Variants in ZNF827 observed in about 807,000 individuals in gnomAD.
ZNF827 encodes the protein zinc finger protein 827.
Under a neutral mutation model 102.4 loss-of-function variants are expected in ZNF827, and 13 were observed. The ratio of observed to expected loss-of-function variants is 0.13; its 90% CI spans 0.08 to 0.20. ZNF827 has a LOEUF of 0.20. Among genes scored for constraint, ZNF827 ranks in the 10% least tolerant of loss-of-function variants. ZNF827 has a pLI of 1.00. For synonymous variants in ZNF827, 523 were observed against 536.2 expected (o/e 0.98, Z 0.34); for missense variants, 1,103 against 1,344.4 (o/e 0.82, Z 2.81).
chr4:145,824,635 AT>A (rs1743485310), intron 7 of ZNF827, among the ~76,000 whole-genome samples: 1 of 152,108 alleles, frequency 6.6e-6, no homozygotes, highest in South Asian at 2.1e-4. Flanking sequence ...CTCTACCTTA[AT>A]CCCCTCCCCC....
intron 7 of ZNF827, 130 bp from the exon 8 acceptor site, chr4:145,823,655 T>C (rs1743379820): frequency 3.1e-6 from 2 of 637,342 alleles, no homozygotes; most frequent in South Asian, 1.9e-5. Flanking sequence ...GTTTAGTGAA[T>C]ATAAGAAGAT....
intron 3 of ZNF827, among the ~76,000 whole-genome samples, chr4:145,891,690 C>T (rs1750616672): frequency 6.6e-6 from 1 of 152,150 alleles, no homozygotes; most frequent in South Asian, 2.1e-4. Context: ...TAGAAAGGGC[C>T]CCCAAGCCTC....
At chr4:145,885,386 C>T (rs1354836174) in intron 4 of ZNF827, among the ~76,000 whole-genome samples, 3 of 151,976 alleles carry the variant, frequency 2.0e-5, no homozygotes, top group Admixed American at 6.6e-5. Context: ...TGTGACCATT[C>T]CCCCCTACAG....
chr4:145,889,534 C>T (rs947193066), intron 3 of ZNF827, among the ~76,000 whole-genome samples: 9 of 150,320 alleles, frequency 6.0e-5, no homozygotes, highest in Non-Finnish European at 7.4e-5. Context: ...AGATCTTAAT[C>T]TCTGGCTATA....
chr4:145,781,195 C>CAAAAAAAAAAAAAAAAAAAAAA (rs10605153), intron 8 of ZNF827, among the ~76,000 whole-genome samples: 82 of 56,530 alleles, frequency 1.5e-3, no homozygotes, highest in Non-Finnish European at 1.8e-3. Flanking sequence ...GACACCATCT[C>CAAAAAAAAAAAAAAAAAAAAAA]AAAAAAAAAA....
intron 1 of ZNF827, chr4:145,907,133 G>A (rs1751932429): frequency 2.2e-6 from 1 of 456,264 alleles, no homozygotes; most frequent in Non-Finnish European, 4.4e-6. Flanking sequence ...CAGAGGGTGG[G>A]GAAAAATTAT....
At chr4:145,904,238 G>T (rs999393662) in intron 1 of ZNF827, among the ~76,000 whole-genome samples, 2 of 152,134 alleles carry the variant, frequency 1.3e-5, no homozygotes, top group African/African-American at 4.8e-5. Flanking sequence ...CCGACTCAAA[G>T]GTTTCTTCCT....
At chr4:145,776,087 G>T in intron 9 of ZNF827, 127 bp from the exon 10 acceptor site, 2 of 1,041,576 alleles carry the variant, frequency 1.9e-6, no homozygotes, top group Non-Finnish European at 2.8e-6. Context: ...GGAGACAATG[G>T]TAATGCCTAG....
intron 1 of ZNF827, among the ~76,000 whole-genome samples, chr4:145,931,689 G>C (rs1216711633): frequency 1.3e-5 from 2 of 152,140 alleles, no homozygotes; most frequent in Non-Finnish European, 2.9e-5. Flanking sequence ...GTTTTTCCTT[G>C]TCCTGTCCTA....
chr4:145,772,241 G>A lies in ZNF827; in HGVS notation c.2860+2265C>T, dbSNP rs113046743. ...ATTGATTCCCCACTTGTACTGTGTA[G>A]GGCCTGCTCCAGGTGCTGAGATACA... On this transcript the variant is annotated intron_variant, in intron 11 of 14. Coordinates refer to ENST00000508784, the MANE Select transcript of ZNF827 (RefSeq NM_001306215.2). Among the ~76,000 whole-genome samples the A allele has an allele frequency of 1.3e-3, 203 of 152,296 alleles. 1 individual carries two copies. The highest frequency in any genetic ancestry group is 4.6e-3 in the African/African-American group (191 of 41,562).
At position 145,924,628 on chromosome 4, in the gene ZNF827, C is replaced by G. The variant is rs151089067; in HGVS notation, c.43+13737G>C. 1.3e-4 allele frequency among the ~76,000 whole-genome samples: 20 copies of G among 152,324 alleles called. No homozygotes were observed. The East Asian group carries it at 3.9e-3, about 29-fold the overall frequency. ...CATCCACCTGAGTTTGGTTTTTCAA[C>G]AGCTCTGCCTACTTGAAAAGGCCAC... On this transcript the variant is annotated intron_variant, in intron 1 of 14. Coordinates refer to ENST00000508784, the MANE Select transcript of ZNF827 (RefSeq NM_001306215.2).
intron 7 of ZNF827, among the ~76,000 whole-genome samples, chr4:145,830,243 G>A (rs1387471833): frequency 2.0e-5 from 3 of 150,708 alleles, no homozygotes; most frequent in Non-Finnish European, 4.4e-5. Context: ...AATAATAACA[G>A]ATTACAGGCC....
chr4:145,905,119 A>G (rs1751738604), intron 1 of ZNF827, among the ~76,000 whole-genome samples: 1 of 152,164 alleles, frequency 6.6e-6, no homozygotes, highest in Admixed American at 6.5e-5. Context: ...GCTTCCTTCT[A>G]AAGTGGTGCT....
intron 1 of ZNF827, among the ~76,000 whole-genome samples, chr4:145,924,955 G>A (rs961625650): frequency 6.6e-5 from 10 of 152,244 alleles, no homozygotes; most frequent in South Asian, 4.2e-4. Flanking sequence ...AGACATACCC[G>A]AGACTGGGTA....
chr4:145,934,117 C>G (rs1182325585), intron 1 of ZNF827, among the ~76,000 whole-genome samples: 1 of 152,056 alleles, frequency 6.6e-6, no homozygotes, highest in Non-Finnish European at 1.5e-5. Flanking sequence ...ATATTTAAAT[C>G]CCAAAATGAT....
intron 3 of ZNF827, among the ~76,000 whole-genome samples, chr4:145,888,592 C>T (rs1260828883): frequency 6.6e-6 from 1 of 152,210 alleles, no homozygotes; most frequent in African/African-American, 2.4e-5. Flanking sequence ...CTCCATCCCC[C>T]ACTAGGGGGA....
intron 2 of ZNF827, among the ~76,000 whole-genome samples, chr4:145,901,422 G>C (rs1751404016): frequency 6.6e-6 from 1 of 152,170 alleles, no homozygotes; most frequent in South Asian, 2.1e-4. Flanking sequence ...GAATGCTAAG[G>C]TCCTATATGA....
chr4:145,890,807 A>G (rs1443707747), intron 3 of ZNF827, among the ~76,000 whole-genome samples: 9 of 152,264 alleles, frequency 5.9e-5, no homozygotes, highest in Non-Finnish European at 4.4e-5. Flanking sequence ...AGTAAAATTC[A>G]GCCAACCAGA....
chr4:145,824,386 T>C (rs1282072093), intron 7 of ZNF827, among the ~76,000 whole-genome samples: 1 of 151,954 alleles, frequency 6.6e-6, no homozygotes, highest in Non-Finnish European at 1.5e-5. Flanking sequence ...ACCTAGAAAA[T>C]GGAAAGCCCT....
Sources: allele counts gnomAD v4.1 joint callset (sites outside exome capture counted in the v4.1 genomes callset), GRCh38; gene constraint gnomAD v4.1.1; transcripts MANE v1.5; gene names NCBI Gene and HGNC (gene_info 2026-07-23, HGNC 2026-07-21).